Variants in SPAG6 observed in about 807,000 individuals in gnomAD.
SPAG6 encodes the protein sperm associated antigen 6.
SPAG6 carries 49 observed loss-of-function variants against 58.5 expected under a neutral mutation model. The observed-to-expected ratio is 0.84, with a 90% CI of 0.67 to 1.06. The LOEUF is 1.06. Among genes scored for constraint, SPAG6 ranks in the 50% least tolerant of loss-of-function variants. The pLI is 0.00. For missense variants in SPAG6, 560 were observed against 611.3 expected, an observed-to-expected ratio of 0.92 and a Z score of 0.89; for synonymous variants, 233 against 225.6, an observed-to-expected ratio of 1.03 and a Z score of -0.29.
chr10:22,415,446 C>T (rs1032606952), intron 10 of SPAG6, among the ~76,000 whole-genome samples: 1 of 152,084 alleles, frequency 6.6e-6, no homozygotes, highest in East Asian at 1.9e-4. Flanking sequence ...GTGAATTTCT[C>T]AGTGTAAGAA....
chr10:22,411,271 T>G, intron 10 of SPAG6, 95 bp downstream of exon 10: 1 of 1,069,596 alleles, frequency 9.3e-7, no homozygotes, highest in Non-Finnish European at 1.3e-6. Context: ...AATGTGGACT[T>G]TGAAATACGA....
At chr10:22,362,927 A>G (rs529715866) in intron 2 of SPAG6, among the ~76,000 whole-genome samples, 2 of 152,190 alleles carry the variant, frequency 1.3e-5, no homozygotes, top group South Asian at 2.1e-4. Context: ...AATCAAAATC[A>G]CAATGAGACA....
At chr10:22,347,297 G>C (rs944785811) in intron 2 of SPAG6, among the ~76,000 whole-genome samples, 2 of 152,076 alleles carry the variant, frequency 1.3e-5, no homozygotes, top group Admixed American at 1.3e-4. Flanking sequence ...CTGTGTGTGT[G>C]TATGCACCCG....
intron 8 of SPAG6, among the ~76,000 whole-genome samples, chr10:22,395,976 A>G (rs776736532): frequency 6.6e-6 from 1 of 152,182 alleles, no homozygotes; most frequent in Non-Finnish European, 1.5e-5. Flanking sequence ...TGGGTAATTG[A>G]TGAAGAAGTT....
intron 2 of SPAG6, among the ~76,000 whole-genome samples, chr10:22,347,254 A>G (rs903220702): frequency 5.9e-5 from 9 of 152,030 alleles, no homozygotes; most frequent in African/African-American, 2.2e-4. Context: ...CCTTTGTTCT[A>G]TAGTTGTTTT....
chr10:22,405,871 T>A (rs1312496595), intron 9 of SPAG6, among the ~76,000 whole-genome samples: 1 of 152,114 alleles, frequency 6.6e-6, no homozygotes, highest in Non-Finnish European at 1.5e-5. Flanking sequence ...GTTGGGAGAG[T>A]GTATGTGTCG....
chr10:22,412,139 G>A (rs910315091), intron 10 of SPAG6, among the ~76,000 whole-genome samples: 2 of 151,892 alleles, frequency 1.3e-5, no homozygotes, highest in Admixed American at 6.6e-5. Flanking sequence ...GTGAGCCACC[G>A]CGACCGCCCG....
In SPAG6 at chr10:22,354,952, C is replaced by T. The variant is rs1836826914; in HGVS notation, c.121+9134C>T. Among the ~76,000 whole-genome samples the T allele has an allele frequency of 3.3e-5, 5 of 151,818 alleles. No individual in the cohort carries two copies. In the South Asian group the frequency reaches 1.0e-3, roughly 32 times the overall value. On this transcript the variant is annotated intron_variant, in intron 2 of 10. Coordinates refer to ENST00000376624, the MANE Select transcript of SPAG6 (RefSeq NM_012443.4). ...GAGGTTGCTGTGAGTTGAGATCACG[C>T]CACTGCACTCCAGCCTGGGCAACAG...
At chr10:22,386,144 C>T (rs992094270) in intron 4 of SPAG6, among the ~76,000 whole-genome samples, 4 of 152,036 alleles carry the variant, frequency 2.6e-5, no homozygotes, top group Non-Finnish European at 4.4e-5. Context: ...TAAACATTAG[C>T]ATTTATATAC....
intron 3 of SPAG6, among the ~76,000 whole-genome samples, chr10:22,367,239 T>C (rs1250662622): frequency 6.6e-6 from 1 of 152,084 alleles, no homozygotes; most frequent in Non-Finnish European, 1.5e-5. Context: ...CACCATTTTT[T>C]CCCCACATTT....
At chr10:22,399,418 A>T (rs1160340096) in intron 8 of SPAG6, among the ~76,000 whole-genome samples, 4 of 152,152 alleles carry the variant, frequency 2.6e-5, no homozygotes, top group Non-Finnish European at 5.9e-5. Flanking sequence ...CAATATATGA[A>T]CTTTTGTGCC....
At chr10:22,386,596 A>G (rs1834068352) in intron 4 of SPAG6, among the ~76,000 whole-genome samples, 158 bp from the exon 5 acceptor site, 1 of 152,170 alleles carries the variant, frequency 6.6e-6, no homozygotes, top group Non-Finnish European at 1.5e-5. Context: ...ATTGGTCCAC[A>G]TGGTTTATGA....
At chr10:22,380,385 C>T (rs1833922579) in intron 4 of SPAG6, among the ~76,000 whole-genome samples, 1 of 151,962 alleles carries the variant, frequency 6.6e-6, no homozygotes, top group Non-Finnish European at 1.5e-5. Context: ...CTCACAGAAA[C>T]TTCTGCCTCC....
intron 4 of SPAG6, among the ~76,000 whole-genome samples, chr10:22,369,685 T>C (rs1036003948): frequency 6.6e-6 from 1 of 152,192 alleles, no homozygotes; most frequent in African/African-American, 2.4e-5. Context: ...TAATAGTGGT[T>C]ACATCAGAGA....
intron 4 of SPAG6, among the ~76,000 whole-genome samples, chr10:22,381,755 C>T (rs907027122): frequency 3.0e-4 from 46 of 152,274 alleles, no homozygotes; most frequent in African/African-American, 1.1e-3. Context: ...TTCCAGTCAA[C>T]ATAGAGTTAT....
intron 2 of SPAG6, among the ~76,000 whole-genome samples, chr10:22,363,472 TCGTGGGATTCACA>T (rs1281071667): frequency 2.6e-5 from 4 of 152,196 alleles, no homozygotes; most frequent in Non-Finnish European, 1.5e-5. Context: ...TTACCAGCCT[TCGTGGGATTCACA>T]CCTGCAACGG....
rs775198950 is a variant in SPAG6, at chr10:22,386,836, G to A, written c.555G>A (p.Arg185=). 3 of 1,613,696 alleles carry A rather than the reference G, an allele frequency of 1.9e-6. No individual in the cohort carries two copies. In the Admixed American group the frequency reaches 5.0e-5, roughly 27 times the overall value. The part of the protein sequence containing the change: ...CIQEPEIALK[R]IAASALSDIA... ...AGGAGCCAGAAATTGCTTTGAAAAG[G>A]ATTGCTGCTTCGGCCCTCAGTGATA... The change falls in exon 5 of 11, where the codon AGG becomes AGA. Residue 185 remains arginine, a synonymous_variant. Coordinates refer to ENST00000376624, the MANE Select transcript of SPAG6 (RefSeq NM_012443.4).
chr10:22,386,955 T>C lies in SPAG6; in HGVS notation c.674T>C (p.Leu225Ser). The change falls in exon 5 of 11, where the codon TTG becomes TCG. Residue 225 changes from leucine to serine, a missense_variant. Transcript: ENST00000376624. ...AQMILNPDAK[L>S]KHQILSALSQ... ...ATGATCCTGAACCCTGATGCTAAAT[T>C]GAAGGTATTTCAAAATAAGGTTGAA... 1 of 1,611,662 alleles carries C rather than the reference T, an allele frequency of 6.2e-7. No individual in the cohort carries two copies. Among genetic ancestry groups the C allele is most frequent in the Non-Finnish European group, 8.5e-7 (1 of 1,178,220 alleles).
At chr10:22,382,086 C>A (rs1833970267) in intron 4 of SPAG6, among the ~76,000 whole-genome samples, 1 of 152,062 alleles carries the variant, frequency 6.6e-6, no homozygotes, top group African/African-American at 2.4e-5. Context: ...TCTTGTCACC[C>A]CAAGTTTTTA....
Sources: gnomAD v4.1 joint callset for allele counts (sites outside exome capture counted in the v4.1 genomes callset) on GRCh38, gnomAD v4.1.1 for gene constraint, MANE v1.5 for transcripts, NCBI Gene and HGNC (gene_info 2026-07-23, HGNC 2026-07-21) for gene names.